ZFY: variants seen among roughly 807,000 people sequenced by gnomAD.
The protein encoded by ZFY is zinc finger protein Y-linked.
For missense variants in ZFY, 113 were observed against 170.9 expected, an observed-to-expected ratio of 0.66 and a Z score of 1.89; for synonymous variants, 47 against 55.8, an observed-to-expected ratio of 0.84 and a Z score of 0.71.
chrY:2,960,061 C>G, intron 2 of ZFY, among the ~76,000 whole-genome samples: 1 of 32,026 alleles, frequency 3.1e-5, no homozygotes, highest in Non-Finnish European at 7.6e-5. Flanking sequence ...TGTATGAATT[C>G]TCTTCCTATT....
intron 1 of ZFY, among the ~76,000 whole-genome samples, chrY:2,938,982 CTT>C (rs2051227791): frequency 1.6e-3 from 6 of 3,698 alleles, no homozygotes; most frequent in African/African-American, 8.0e-3. Flanking sequence ...GCATACAGTG[CTT>C]ATATATATAT....
chrY:2,938,154 A>AT (rs368708159), intron 1 of ZFY, among the ~76,000 whole-genome samples: 24 of 2,843 alleles, frequency 8.4e-3, no homozygotes, highest in African/African-American at 0.033. Context: ...CGCCGGGCTA[A>AT]TTTTTTTTTT....
In ZFY at chrY:2,961,160, A is replaced by G. The variant is rs1015077296; in HGVS notation, c.148A>G (p.Ile50Val). 1 of 398,262 alleles carries G rather than the reference A, an allele frequency of 2.5e-6. No individual in the cohort carries two copies. Residue 50 changes from isoleucine (I) to valine (V), a missense_variant, in exon 3 of 8, where the codon ATA becomes GTA. Transcript: ENST00000155093. ...VFVSNIVDSD[I>V]TVHNFVPDDP... ...TGTTTCTAATATTGTGGATTCTGAC[A>G]TAACTGTGCATAACTTTGTTCCTGA... is the stretch of plus-strand genomic sequence containing the variant.
In ZFY at chrY:2,982,040, A is replaced by C. The variant is rs2051401014; in HGVS notation, c.*2047A>C. ...TCTTTTAAAAATAAACTAAGGTAAA[A>C]AACGTGACACTTTACATATTTCATA... On this transcript the variant is annotated 3_prime_UTR_variant, in exon 8 of 8. Coordinates refer to ENST00000155093, the MANE Select transcript of ZFY (RefSeq NM_003411.4). 1 of 34,198 alleles carries C rather than the reference A, an allele frequency of 2.9e-5. No individual in the cohort carries two copies. Among genetic ancestry groups the C allele is most frequent in the South Asian group, 6.3e-4 (1 of 1,592 alleles). The allele number at this position is 34,198 out of a possible 400,897, so 8.5% of individuals were successfully genotyped here. A position where few individuals can be genotyped will look rare whatever the true frequency, so the allele number is the denominator to read the frequency against.
chrY:2,950,642 C>T (rs2051275648), intron 1 of ZFY, among the ~76,000 whole-genome samples: 3 of 33,541 alleles, frequency 8.9e-5, no homozygotes, highest in Non-Finnish European at 1.5e-4. Context: ...TGTCAGTTTT[C>T]GCCGTGATAA....
intron 6 of ZFY, among the ~76,000 whole-genome samples, chrY:2,977,180 CAAAAAAAAAAAAAAAAAAAA>C (rs1383315345): frequency 2.4e-3 from 1 of 409 alleles, no homozygotes; most frequent in Non-Finnish European, 4.6e-3. Flanking sequence ...GACTCCATCT[CAAAAAAAAAAAAAAAAAAAA>C]AAAAAAAAAA....
At chrY:2,953,886 G>T in intron 1 of ZFY, 23 bp from the exon 2 acceptor site, 1 of 280,781 alleles carries the variant, frequency 3.6e-6, no homozygotes, top group South Asian at 4.0e-5. Flanking sequence ...TTAATGTTTG[G>T]TATACTTTAT....
intron 3 of ZFY, among the ~76,000 whole-genome samples, chrY:2,962,586 G>T (rs771850724): frequency 3.1e-5 from 1 of 32,709 alleles, no homozygotes; most frequent in East Asian, 7.8e-4. Context: ...CAAAAGAGTT[G>T]TGCAGGCATT....
intron 1 of ZFY, among the ~76,000 whole-genome samples, chrY:2,943,496 C>G: frequency 3.0e-5 from 1 of 32,912 alleles, no homozygotes; most frequent in African/African-American, 1.2e-4. Flanking sequence ...GTCGTTTCAC[C>G]AGGCTGGTTT....
chrY:2,976,403 C>A, intron 5 of ZFY, among the ~76,000 whole-genome samples: 1 of 32,209 alleles, frequency 3.1e-5, no homozygotes, highest in East Asian at 8.1e-4. Flanking sequence ...GCCACTGTGC[C>A]CTGCCCAAGC....
chrY:2,978,663 T>C lies in ZFY; in HGVS notation c.1223-147T>C. 4.7e-5 allele frequency: 10 copies of C among 214,578 alleles called. No homozygotes were observed. In the Admixed American group the frequency reaches 1.1e-3, roughly 24 times the overall value. 53.5% of individuals were successfully genotyped at this position (214,578 alleles called of 400,897 possible). A position where few individuals can be genotyped will look rare whatever the true frequency, so the allele number is the denominator to read the frequency against. On this transcript the variant is annotated intron_variant, in intron 7 of 7. Transcript: ENST00000155093. ...AGTTCTCTCGATTAGGACATTATTA[T>C]AACTCTTAACATTGAAAAGCAGTAA... is the stretch of plus-strand genomic sequence containing the variant.
rs752648416 is a variant in ZFY, at chrY:2,961,559, C to A, written c.547C>A (p.Pro183Thr). The A allele has an allele frequency of 2.5e-6, 1 of 398,464 alleles. No homozygotes were observed. Among genetic ancestry groups the A allele is most frequent in the Non-Finnish European group, 3.5e-6 (1 of 283,464 alleles). The change falls in exon 3 of 8, where the codon CCT (proline) becomes ACT (threonine). Residue 183 changes from proline to threonine, a missense_variant. Transcript: ENST00000155093. ...AGAAGTATTGGTAGCAGACTGTGCC[C>A]CTGAAGCAGTCATAGATGCCAGCGG... ...SEEVLVADCAPEAVIDASGIS... is the reference protein window; with the variant it reads ...SEEVLVADCATEAVIDASGIS...
chrY:2,976,180 G>A, intron 5 of ZFY, among the ~76,000 whole-genome samples: 1 of 27,411 alleles, frequency 3.6e-5, no homozygotes, highest in African/African-American at 1.5e-4. Flanking sequence ...AGCAATCTCC[G>A]CTCACTGCAG....
chrY:2,963,556 C>T (rs2051317439), intron 3 of ZFY, among the ~76,000 whole-genome samples: 1 of 33,383 alleles, frequency 3.0e-5, no homozygotes, highest in African/African-American at 1.2e-4. Context: ...TATAGCTGAA[C>T]GTTTGTGCAT....
At chrY:2,938,406 T>G (rs2051224835) in intron 1 of ZFY, among the ~76,000 whole-genome samples, 1 of 28,891 alleles carries the variant, frequency 3.5e-5, no homozygotes, top group Non-Finnish European at 8.0e-5. Flanking sequence ...GCTGAAGAGC[T>G]GTAAAGAAGA....
intron 3 of ZFY, among the ~76,000 whole-genome samples, chrY:2,964,831 A>C (rs981379930): frequency 9.2e-5 from 3 of 32,785 alleles, no homozygotes; most frequent in Non-Finnish European, 1.5e-4. Flanking sequence ...CAGGAGTTTG[A>C]GACCATCCTG....
intron 2 of ZFY, among the ~76,000 whole-genome samples, chrY:2,960,647 G>A (rs781435110): frequency 3.1e-5 from 1 of 32,219 alleles, no homozygotes; most frequent in South Asian, 6.9e-4. Context: ...AATGAAACAT[G>A]TAATGAAGAA....
At chrY:2,937,488 C>CAAAAAAAAAAAAAAA (rs780590951) in intron 1 of ZFY, among the ~76,000 whole-genome samples, 1 of 5,347 alleles carries the variant, frequency 1.9e-4, no homozygotes, top group African/African-American at 7.6e-4. Context: ...GAGTCTGTCT[C>CAAAAAAAAAAAAAAA]AAAAAAAAAA....
intron 2 of ZFY, among the ~76,000 whole-genome samples, chrY:2,955,220 G>A: frequency 3.1e-5 from 1 of 32,434 alleles, no homozygotes; most frequent in Non-Finnish European, 7.5e-5. Context: ...TCTTCACCCC[G>A]GTTCTCAAAT....
Sources: allele counts gnomAD v4.1 joint callset (sites outside exome capture counted in the v4.1 genomes callset), GRCh38; gene constraint gnomAD v4.1.1; transcripts MANE v1.5; gene names NCBI Gene and HGNC (gene_info 2026-07-23, HGNC 2026-07-21).